The following GRM3 variants were observed in gnomAD, a reference collection of about 807,000 sequenced individuals.
GRM3 encodes glutamate metabotropic receptor 3, also known as metabotropic glutamate receptor 3.
GRM3 carries 26 observed loss-of-function variants against 70.5 expected under a neutral mutation model. That is an observed-to-expected ratio of 0.37 (90% CI 0.27 to 0.51). GRM3 has a LOEUF of 0.51. Ranked by LOEUF, GRM3 falls within the 20% of genes least tolerant of loss-of-function variation. The probability of loss-of-function intolerance (pLI) is 0.93; values close to 1 mark genes in which losing one functional copy is unlikely to be tolerated. For missense variants in GRM3, 859 were observed against 1,123.8 expected, an observed-to-expected ratio of 0.76 and a Z score of 3.37; for synonymous variants, 443 against 434.9, an observed-to-expected ratio of 1.02 and a Z score of -0.23.
At chr7:86,695,862 A>G (rs548961280) in intron 1 of GRM3, among the ~76,000 whole-genome samples, 1 of 152,324 alleles carries the variant, frequency 6.6e-6, no homozygotes, top group African/African-American at 2.4e-5. Context: ...AAGTTGTAGA[A>G]AAGCAAAAAT....
At chr7:86,756,303 T>C (rs1267898816) in intron 1 of GRM3, among the ~76,000 whole-genome samples, 1 of 152,210 alleles carries the variant, frequency 6.6e-6, no homozygotes, top group Non-Finnish European at 1.5e-5. Context: ...GGTCTCGAAC[T>C]CCTGACCTCA....
At chr7:86,694,746 GGT>G (rs1158072476) in intron 1 of GRM3, among the ~76,000 whole-genome samples, 1 of 152,054 alleles carries the variant, frequency 6.6e-6, no homozygotes, top group African/African-American at 2.4e-5. Flanking sequence ...ATGAAAGTTA[GGT>G]CATTTTTCAG....
At chr7:86,741,720 A>G (rs1320047129) in intron 1 of GRM3, among the ~76,000 whole-genome samples, 7 of 152,192 alleles carry the variant, frequency 4.6e-5, no homozygotes, top group Admixed American at 4.6e-4. Flanking sequence ...CTCAAGAAAT[A>G]GGGCCCAACA....
At chr7:86,694,511 C>CAAAAAAAAAAAAA (rs1226119828) in intron 1 of GRM3, among the ~76,000 whole-genome samples, 3 of 37,698 alleles carry the variant, frequency 8.0e-5, no homozygotes, top group Admixed American at 3.7e-4. Flanking sequence ...GACTCTGTCT[C>CAAAAAAAAAAAAA]AAAAAAAAAA....
intron 5 of GRM3, among the ~76,000 whole-genome samples, chr7:86,854,749 A>G (rs192676744): frequency 4.9e-4 from 74 of 152,196 alleles, no homozygotes; most frequent in Non-Finnish European, 8.1e-4. Context: ...TATTTTGAGA[A>G]CCTCTACCTA....
intron 1 of GRM3, among the ~76,000 whole-genome samples, chr7:86,724,167 A>T (rs1202635904): frequency 6.6e-6 from 1 of 152,196 alleles, no homozygotes; most frequent in Non-Finnish European, 1.5e-5. Context: ...AATCAACTGT[A>T]TCTAAGATGA....
At chr7:86,789,949 A>C (rs1797364222) in intron 3 of GRM3, among the ~76,000 whole-genome samples, 1 of 152,294 alleles carries the variant, frequency 6.6e-6, no homozygotes, top group East Asian at 1.9e-4. Flanking sequence ...GATTCTTCCA[A>C]ATAGTAATCT....
chr7:86,656,363 G>A (rs1028653121), intron 1 of GRM3, among the ~76,000 whole-genome samples: 8 of 148,252 alleles, frequency 5.4e-5, no homozygotes, highest in Admixed American at 2.1e-4. Context: ...CTGCCTCCCG[G>A]GTTCAAGCAA....
chr7:86,864,064 ATTTGGTTACATGAGTAAGTTC>A (rs377610405), intron 5 of GRM3, among the ~76,000 whole-genome samples, 197 bp from the exon 6 acceptor site: 1 of 148,566 alleles, frequency 6.7e-6, no homozygotes, highest in African/African-American at 2.6e-5. Flanking sequence ...AATAGATGGT[ATTTGGTTACATGAGTAAGTTC>A]TTTAGTGGTG....
chr7:86,709,203 C>T (rs895139658), intron 1 of GRM3, among the ~76,000 whole-genome samples: 2 of 151,952 alleles, frequency 1.3e-5, no homozygotes, highest in African/African-American at 4.8e-5. Context: ...TTGTATTTTG[C>T]ATTCCTAAAT....
intron 1 of GRM3, among the ~76,000 whole-genome samples, chr7:86,714,523 C>T (rs975415924): frequency 1.3e-5 from 2 of 151,806 alleles, no homozygotes; most frequent in African/African-American, 4.8e-5. Flanking sequence ...AACAATGGAG[C>T]CAGGACTTAA....
intron 1 of GRM3, among the ~76,000 whole-genome samples, chr7:86,743,722 AAAG>A (rs1796041362): frequency 6.6e-6 from 1 of 152,156 alleles, no homozygotes; most frequent in African/African-American, 2.4e-5. Context: ...CTGTTGGTAT[AAAG>A]AAGAGTAGGA....
intron 1 of GRM3, among the ~76,000 whole-genome samples, chr7:86,698,105 A>G (rs1363160040): frequency 6.6e-6 from 1 of 152,126 alleles, no homozygotes; most frequent in Non-Finnish European, 1.5e-5. Context: ...CATTTTAACA[A>G]TAATATCCTT....
intron 1 of GRM3, among the ~76,000 whole-genome samples, chr7:86,762,659 A>G (rs973580122): frequency 6.6e-6 from 1 of 152,168 alleles, no homozygotes; most frequent in Non-Finnish European, 1.5e-5. Flanking sequence ...AAACTACAAC[A>G]GGAATATAAA....
At chr7:86,824,390 T>A (rs910674330) in intron 3 of GRM3, among the ~76,000 whole-genome samples, 52 of 152,248 alleles carry the variant, frequency 3.4e-4, no homozygotes, top group African/African-American at 1.1e-3. Flanking sequence ...TGCACTGAGA[T>A]ATCAGATCCC....
At chr7:86,673,451 T>C (rs1794224233) in intron 1 of GRM3, among the ~76,000 whole-genome samples, 1 of 152,128 alleles carries the variant, frequency 6.6e-6, no homozygotes, top group Admixed American at 6.6e-5. Flanking sequence ...ATCTAATGCC[T>C]AAAACCAAGC....
chr7:86,716,324 A>C (rs1300068755), intron 1 of GRM3, among the ~76,000 whole-genome samples: 1 of 151,984 alleles, frequency 6.6e-6, no homozygotes, highest in Admixed American at 6.6e-5. Flanking sequence ...AGAGAAGAGA[A>C]ACAAACATTT....
intron 1 of GRM3, among the ~76,000 whole-genome samples, chr7:86,760,020 C>T (rs764370879): frequency 5.3e-5 from 8 of 152,050 alleles, no homozygotes; most frequent in Non-Finnish European, 8.8e-5. Flanking sequence ...AATCAAATTG[C>T]ACATACTAGG....
chr7:86,722,750 T>C (rs1050705289), intron 1 of GRM3, among the ~76,000 whole-genome samples: 1 of 151,718 alleles, frequency 6.6e-6, no homozygotes, highest in Non-Finnish European at 1.5e-5. Context: ...TAAAATATGA[T>C]AAAAAAAATC....
Sources: gnomAD v4.1 joint callset for allele counts (sites outside exome capture counted in the v4.1 genomes callset) on GRCh38, gnomAD v4.1.1 for gene constraint, MANE v1.5 for transcripts, NCBI Gene and HGNC (gene_info 2026-07-23, HGNC 2026-07-21) for gene names.